The following PTCHD4 variants were observed in gnomAD, a reference collection of about 807,000 sequenced individuals.
PTCHD4 encodes the protein patched domain-containing protein 4.
In PTCHD4, 33 loss-of-function variants were observed where a neutral mutation model predicts 58.1. That is an observed-to-expected ratio of 0.57 (90% CI 0.43 to 0.76). The LOEUF is 0.76. PTCHD4 is among the 30% of genes least tolerant of loss of function. The probability of loss-of-function intolerance (pLI) is 0.00; values close to 1 mark genes in which losing one functional copy is unlikely to be tolerated. For synonymous variants in PTCHD4, 478 were observed against 409.6 expected (o/e 1.17, Z -2.02); for missense variants, 1,058 against 1,027.1 (o/e 1.03, Z -0.41).
chr6:47,880,312 ACAT>A (rs1447506045), intron 4 of PTCHD4, among the ~76,000 whole-genome samples: 1 of 152,188 alleles, frequency 6.6e-6, no homozygotes, highest in Non-Finnish European at 1.5e-5. Flanking sequence ...ATGACCCTTA[ACAT>A]CATGTCAAGT....
intron 1 of PTCHD4, among the ~76,000 whole-genome samples, chr6:48,102,932 G>C (rs986111012): frequency 6.6e-6 from 1 of 152,178 alleles, no homozygotes; most frequent in South Asian, 2.1e-4. Flanking sequence ...GCTCAGGCTC[G>C]AGTAGGTAAA....
At chr6:48,095,928 T>C (rs763903486) in intron 1 of PTCHD4, among the ~76,000 whole-genome samples, 18 of 151,920 alleles carry the variant, frequency 1.2e-4, no homozygotes, top group Non-Finnish European at 2.2e-4. Context: ...AATTAAAACA[T>C]TTATGCCACA....
chr6:47,957,803 A>G (rs1342058536), intron 4 of PTCHD4, among the ~76,000 whole-genome samples: 1 of 151,654 alleles, frequency 6.6e-6, no homozygotes, highest in Non-Finnish European at 1.5e-5. Context: ...AAAGGGTTTC[A>G]TCGTGTTAGC....
intron 4 of PTCHD4, among the ~76,000 whole-genome samples, chr6:47,922,436 C>T (rs1335482703): frequency 1.3e-5 from 2 of 152,184 alleles, no homozygotes; most frequent in African/African-American, 2.4e-5. Flanking sequence ...CCTTTACCAG[C>T]CCCCCTGCCG....
rs886167311 is a variant in PTCHD4, at chr6:47,871,857, T to A, written c.*6446A>T. On this transcript the variant is annotated 3_prime_UTR_variant, in exon 5 of 5. Transcript: ENST00000339488. ...TTAACAGGAAAGTATAATAAAGTTG[T>A]TGCTTAAACTACTAAAACTTTGGGA... Among the ~76,000 whole-genome samples the A allele has an allele frequency of 1.3e-5, 2 of 151,624 alleles. No individual in the cohort carries two copies. The highest frequency in any genetic ancestry group is 3.0e-5 in the Non-Finnish European group (2 of 67,732).
rs1010420186 is a variant in PTCHD4 at position 48,069,147 on chromosome 6, G to T, written c.-190C>A. Among the ~76,000 whole-genome samples, 1 of 139,302 alleles carries T rather than the reference G, an allele frequency of 7.2e-6. No individual in the cohort carries two copies. The highest frequency in any genetic ancestry group is 1.6e-5 in the Non-Finnish European group (1 of 63,708). The allele number at this position is 139,302 out of a possible 152,430, so 91.4% of individuals were successfully genotyped here. On this transcript the variant is annotated 5_prime_UTR_variant, in exon 2 of 5. Coordinates refer to ENST00000339488, the MANE Select transcript of PTCHD4 (RefSeq NM_001384253.1). ...CAGACATGTGCCCCATAAAGGGGGG[G>T]GGGGCTGAGGGGGGGAGAGGAGGGA...
intron 4 of PTCHD4, chr6:47,899,499 G>A (rs1764631412): frequency 1.4e-6 from 1 of 709,636 alleles, no homozygotes; most frequent in South Asian, 6.4e-5. Context: ...TTTTATTAGG[G>A]ACAGAAAATG....
intron 4 of PTCHD4, among the ~76,000 whole-genome samples, chr6:47,935,015 A>G (rs1178123316): frequency 6.6e-6 from 1 of 152,182 alleles, no homozygotes; most frequent in African/African-American, 2.4e-5. Context: ...GTTGAAAAAT[A>G]TCTTATGTTA....
chr6:47,897,501 G>A (rs1764561070), intron 4 of PTCHD4, among the ~76,000 whole-genome samples: 3 of 152,178 alleles, frequency 2.0e-5, no homozygotes, highest in Admixed American at 6.5e-5. Context: ...AATTTATGAG[G>A]CAAACCACAG....
At chr6:48,040,790 A>T (rs538027530) in intron 3 of PTCHD4, among the ~76,000 whole-genome samples, 2 of 151,998 alleles carry the variant, frequency 1.3e-5, no homozygotes, top group Non-Finnish European at 2.9e-5. Flanking sequence ...CTCATAATGG[A>T]TGGAGTTAAG....
chr6:47,911,332 C>T (rs1012742549), intron 4 of PTCHD4, among the ~76,000 whole-genome samples: 3 of 152,126 alleles, frequency 2.0e-5, no homozygotes, highest in Non-Finnish European at 2.9e-5. Context: ...TACCACTCCC[C>T]ACCCAAGGGC....
At chr6:48,087,281 C>T (rs1765282622) in intron 1 of PTCHD4, among the ~76,000 whole-genome samples, 1 of 152,134 alleles carries the variant, frequency 6.6e-6, no homozygotes, top group Admixed American at 6.5e-5. Flanking sequence ...CCAGTATCTT[C>T]AGTCTATCCA....
At chr6:47,901,338 G>C in intron 4 of PTCHD4, 1 of 616,304 alleles carries the variant, frequency 1.6e-6, no homozygotes, top group East Asian at 1.4e-4. Flanking sequence ...TCTGGTTTTA[G>C]TATCAGGGTA....
At chr6:47,911,336 C>G (rs2113867678) in intron 4 of PTCHD4, among the ~76,000 whole-genome samples, 1 of 152,234 alleles carries the variant, frequency 6.6e-6, no homozygotes, top group African/African-American at 2.4e-5. Context: ...ACTCCCCACC[C>G]AAGGGCAGCT....
intron 4 of PTCHD4, among the ~76,000 whole-genome samples, chr6:47,950,943 A>G (rs2113946310): frequency 6.6e-6 from 1 of 152,270 alleles, no homozygotes; most frequent in Non-Finnish European, 1.5e-5. Context: ...AATTGATGGA[A>G]TTTGGGAAGA....
chr6:48,059,783 T>C (rs902738201), intron 3 of PTCHD4, among the ~76,000 whole-genome samples: 2 of 152,124 alleles, frequency 1.3e-5, no homozygotes, highest in African/African-American at 4.8e-5. Context: ...CTCACCACCA[T>C]CACTCTTTAA....
At chr6:48,072,876 T>C (rs1765000171) in intron 1 of PTCHD4, among the ~76,000 whole-genome samples, 2 of 152,094 alleles carry the variant, frequency 1.3e-5, no homozygotes, top group Non-Finnish European at 2.9e-5. Flanking sequence ...AAAAATTGTT[T>C]TTCTATAACA....
intron 3 of PTCHD4, among the ~76,000 whole-genome samples, chr6:48,066,916 G>GT (rs751085952): frequency 4.6e-3 from 675 of 145,742 alleles, no homozygotes; most frequent in African/African-American, 0.01. Context: ...CCTGAAAAAG[G>GT]TTTTTTTTTT....
At chr6:47,899,642 C>A in intron 4 of PTCHD4, 3 of 766,596 alleles carry the variant, frequency 3.9e-6, no homozygotes, top group South Asian at 1.2e-4. Context: ...TGATATAATG[C>A]CAAGCAATTC....
Sources: allele counts gnomAD v4.1 joint callset (sites outside exome capture counted in the v4.1 genomes callset), GRCh38; gene constraint gnomAD v4.1.1; transcripts MANE v1.5; gene names NCBI Gene and HGNC (gene_info 2026-07-23, HGNC 2026-07-21).